ZNF782: variants seen among roughly 807,000 people sequenced by gnomAD.
ZNF782 encodes zinc finger protein 782.
In ZNF782, 12 loss-of-function variants were observed where a neutral mutation model predicts 13.0. The ratio of observed to expected loss-of-function variants is 0.92; its 90% CI spans 0.59 to 1.50. The LOEUF is 1.50. Among genes scored for constraint, ZNF782 ranks in the 40% most tolerant of loss-of-function variants. ZNF782 has a pLI of 0.00. For missense variants in ZNF782, 770 were observed against 822.9 expected, an observed-to-expected ratio of 0.94 and a Z score of 0.79; for synonymous variants, 284 against 283.0, an observed-to-expected ratio of 1.00 and a Z score of -0.04.
At chr9:96,922,184 A>T in the ZNF782 span, among the ~76,000 whole-genome samples, 1 of 151,504 alleles carries the variant, frequency 6.6e-6, no homozygotes, top group Non-Finnish European at 1.5e-5. Flanking sequence ...ATATAATGTC[A>T]TTTTATTTAA....
intron 3 of ZNF782, among the ~76,000 whole-genome samples, chr9:96,847,313 G>T (rs1851367881): frequency 6.6e-6 from 1 of 151,744 alleles, no homozygotes; most frequent in Non-Finnish European, 1.5e-5. Flanking sequence ...CAGGACAAAA[G>T]AAATAAAGAT....
At chr9:96,854,930 G>A (rs1184064351), upstream of ZNF782, among the ~76,000 whole-genome samples, 2 of 151,882 alleles carry the variant, frequency 1.3e-5, no homozygotes, top group African/African-American at 4.8e-5. Context: ...TTAAAAAAAG[G>A]GATCACTACT....
chr9:96,882,814 T>C, the ZNF782 span, among the ~76,000 whole-genome samples: 1 of 152,254 alleles, frequency 6.6e-6, no homozygotes, highest in Non-Finnish European at 1.5e-5. Flanking sequence ...CCTTGGACAC[T>C]GTGGCCTCAA....
chr9:96,874,107 G>T (rs1851861576), intron 1 of ZNF782, among the ~76,000 whole-genome samples: 1 of 152,138 alleles, frequency 6.6e-6, no homozygotes, highest in Non-Finnish European at 1.5e-5. Flanking sequence ...ACAAGGAAAA[G>T]ACAATAGATC....
the ZNF782 span, among the ~76,000 whole-genome samples, chr9:96,922,958 G>A: frequency 6.8e-6 from 1 of 148,008 alleles, no homozygotes; most frequent in Non-Finnish European, 1.5e-5. Context: ...CGAGGGGAGT[G>A]TCTCTCACAT....
At chr9:96,893,209 G>T in the ZNF782 span, 3 of 152,170 alleles carry the variant, frequency 2.0e-5, no homozygotes, top group Non-Finnish European at 2.9e-5. Flanking sequence ...ATCTATTCAA[G>T]AAATCATACT....
At chr9:96,826,293 G>A (rs947636709) in intron 5 of ZNF782, among the ~76,000 whole-genome samples, 25 of 141,468 alleles carry the variant, frequency 1.8e-4, no homozygotes, top group South Asian at 9.3e-4. Flanking sequence ...GTAAACTATC[G>A]CAAGAACAAA....
At chr9:96,873,893 G>A (rs1159450275) in intron 1 of ZNF782, among the ~76,000 whole-genome samples, 1 of 152,224 alleles carries the variant, frequency 6.6e-6, no homozygotes, top group East Asian at 1.9e-4. Context: ...TAAGTTTCTA[G>A]TAGGGTGGTA....
chr9:96,911,510 G>GTTTTTTTTTTT, the ZNF782 span, among the ~76,000 whole-genome samples: 7 of 109,668 alleles, frequency 6.4e-5, no homozygotes, highest in South Asian at 9.0e-4. Context: ...TTTTTTTTTT[G>GTTTTTTTTTTT]TTTTTGTTTT....
intron 1 of ZNF782, among the ~76,000 whole-genome samples, chr9:96,865,142 C>T (rs905818265): frequency 1.3e-5 from 2 of 152,176 alleles, no homozygotes; most frequent in Admixed American, 1.3e-4. Flanking sequence ...TCTCTCAGTG[C>T]ATTCAACTCA....
At chr9:96,925,454 A>G in the ZNF782 span, among the ~76,000 whole-genome samples, 32 of 152,162 alleles carry the variant, frequency 2.1e-4, no homozygotes, top group Non-Finnish European at 4.0e-4. Context: ...CCTGGCCAAT[A>G]TGGTGCAATC....
chr9:96,820,711 G>A (rs761867658), intron 5 of ZNF782, among the ~76,000 whole-genome samples: 11 of 151,890 alleles, frequency 7.2e-5, no homozygotes, highest in Non-Finnish European at 1.0e-4. Context: ...CACCATGCCC[G>A]GCTAATTTTT....
At chr9:96,911,075 G>A in the ZNF782 span, among the ~76,000 whole-genome samples, 1 of 146,844 alleles carries the variant, frequency 6.8e-6, no homozygotes, top group African/African-American at 2.5e-5. Context: ...ACCGTTCTCC[G>A]TCCTACTTCT....
intron 4 of ZNF782, among the ~76,000 whole-genome samples, chr9:96,842,968 G>A (rs1851232353): frequency 6.6e-6 from 1 of 152,084 alleles, no homozygotes; most frequent in South Asian, 2.1e-4. Flanking sequence ...GTAGCCATTA[G>A]GGAAATGCAA....
chr9:96,822,471 G>A (rs1428549638), intron 5 of ZNF782, among the ~76,000 whole-genome samples: 1 of 151,886 alleles, frequency 6.6e-6, no homozygotes, highest in Non-Finnish European at 1.5e-5. Context: ...GAAGAGATAA[G>A]GCATACACTA....
At chr9:96,829,376 G>A (rs1052438913) in intron 4 of ZNF782, among the ~76,000 whole-genome samples, 2 of 152,014 alleles carry the variant, frequency 1.3e-5, no homozygotes, top group Admixed American at 6.6e-5. Flanking sequence ...CACATATAAA[G>A]AGAAATTCTG....
At chr9:96,926,684 T>C in the ZNF782 span, among the ~76,000 whole-genome samples, 1 of 152,004 alleles carries the variant, frequency 6.6e-6, no homozygotes, top group African/African-American at 2.4e-5. Context: ...GAAATGACTT[T>C]TTCCCACAAC....
At chr9:96,906,019 T>C in the ZNF782 span, among the ~76,000 whole-genome samples, 3 of 152,224 alleles carry the variant, frequency 2.0e-5, no homozygotes, top group Admixed American at 1.3e-4. Context: ...GCTGAGAATA[T>C]GGAGAAACTG....
At chr9:96,828,044 A>G (rs1458194489) in intron 4 of ZNF782, among the ~76,000 whole-genome samples, 2 of 152,220 alleles carry the variant, frequency 1.3e-5, no homozygotes, top group African/African-American at 2.4e-5. Context: ...AAAGAGCTAT[A>G]CTGATATAAA....
Sources: gnomAD v4.1 joint callset for allele counts (sites outside exome capture counted in the v4.1 genomes callset) on GRCh38, gnomAD v4.1.1 for gene constraint, MANE v1.5 for transcripts, NCBI Gene and HGNC (gene_info 2026-07-23, HGNC 2026-07-21) for gene names.